PDK3: variants seen among roughly 807,000 people sequenced by gnomAD.
PDK3 encodes the protein pyruvate dehydrogenase kinase 3.
Under a neutral mutation model 32.0 loss-of-function variants are expected in PDK3, and 12 were observed. The observed-to-expected ratio is 0.37, with a 90% CI of 0.24 to 0.61. The LOEUF (loss-of-function observed/expected upper bound fraction) is 0.61, where lower values mean the gene tolerates loss of function less well. PDK3 is among the 20% of genes least tolerant of loss of function. The probability of loss-of-function intolerance (pLI) is 0.65; values close to 1 mark genes in which losing one functional copy is unlikely to be tolerated. For missense variants in PDK3, 188 were observed against 316.9 expected (o/e 0.59, Z 3.09); for synonymous variants, 122 against 116.3 (o/e 1.05, Z -0.31).
intron 6 of PDK3, among the ~76,000 whole-genome samples, chrX:24,520,163 A>C (rs1032792249): frequency 8.9e-6 from 1 of 112,043 alleles, no homozygotes; most frequent in African/African-American, 3.2e-5. Context: ...ACTGCACTCC[A>C]CCCTGGGCAA....
exon 12 of PDK3, among the ~76,000 whole-genome samples, chrX:24,541,028 GCCTCC>G (rs1922883572): frequency 9.9e-6 from 1 of 101,132 alleles, no homozygotes; most frequent in Non-Finnish European, 2.0e-5. Context: ...TTGTGCCTCA[GCCTCC>G]CGAATAGCTG....
intron 7 of PDK3, among the ~76,000 whole-genome samples, chrX:24,527,238 C>T (rs1357789100): frequency 1.9e-5 from 2 of 103,261 alleles, no homozygotes; most frequent in African/African-American, 3.6e-5. Context: ...AGCCTCATTA[C>T]ATGCGATAAA....
intron 1 of PDK3, among the ~76,000 whole-genome samples, chrX:24,492,975 G>A (rs774519001): frequency 4.6e-5 from 5 of 108,051 alleles, no homozygotes; most frequent in African/African-American, 1.4e-4. Context: ...ACTCCAGCCT[G>A]GGCGACAGAG....
At chrX:24,525,148 C>T (rs1922492975) in intron 6 of PDK3, among the ~76,000 whole-genome samples, 1 of 111,702 alleles carries the variant, frequency 9.0e-6, no homozygotes, top group Admixed American at 9.5e-5. Flanking sequence ...CAGAGTGAGA[C>T]TCTGTCTCAA....
intron 1 of PDK3, among the ~76,000 whole-genome samples, chrX:24,488,004 CAAAAAAAAAA>C (rs34710130): frequency 1.1e-4 from 3 of 27,478 alleles, no homozygotes; most frequent in Non-Finnish European, 2.0e-4. Context: ...AACTCCATCT[CAAAAAAAAAA>C]AAAAAAAAAA....
chrX:24,528,568 G>A (rs1024259031), intron 9 of PDK3, among the ~76,000 whole-genome samples: 2 of 112,797 alleles, frequency 1.8e-5, no homozygotes, highest in East Asian at 5.6e-4. Context: ...TTGGTCCTGC[G>A]CACTCTGGCG....
chrX:24,538,776 TAATA>T (rs754853735), downstream of PDK3, among the ~76,000 whole-genome samples: 1 of 111,166 alleles, frequency 9.0e-6, no homozygotes, highest in Non-Finnish European at 1.9e-5. Flanking sequence ...TCCATCTCAA[TAATA>T]AATAAATAAA....
chrX:24,468,641 T>A (rs1940084646), intron 1 of PDK3, among the ~76,000 whole-genome samples: 1 of 112,169 alleles, frequency 8.9e-6, no homozygotes. Flanking sequence ...AATCAGATGA[T>A]CTTCTGTCTG....
At chrX:24,489,246 GCTAA>G (rs931983436) in intron 1 of PDK3, among the ~76,000 whole-genome samples, 13 of 112,041 alleles carry the variant, frequency 1.2e-4, no homozygotes, top group Non-Finnish European at 2.4e-4. Flanking sequence ...TTATTTTTAG[GCTAA>G]CTAATTAACT....
In PDK3 at chrX:24,465,444, G is replaced by T. The variant is rs370150496; in HGVS notation, c.-12G>T. On this transcript the variant is annotated 5_prime_UTR_variant, in exon 1 of 11. Coordinates refer to ENST00000379162, the MANE Select transcript of PDK3 (RefSeq NM_005391.5). ...GGGCGTCTAGGCGGGTCTGTGCGCCGCCCGGGCGAGGATGCGGCTGTTCCG... is the reference window on the plus strand; with the variant it reads ...GGGCGTCTAGGCGGGTCTGTGCGCCTCCCGGGCGAGGATGCGGCTGTTCCG... 4.2e-6 allele frequency: 5 copies of T among 1,186,242 alleles called. No homozygotes were observed. The highest frequency in any genetic ancestry group is 2.2e-5 in the Admixed American group (1 of 45,166).
chrX:24,494,700 G>C, intron 1 of PDK3, 42 bp from the exon 2 acceptor site: 1 of 1,074,044 alleles, frequency 9.3e-7, no homozygotes, highest in Non-Finnish European at 1.3e-6. Context: ...TTCTCCATCT[G>C]TTAGACTATA....
intron 5 of PDK3, among the ~76,000 whole-genome samples, chrX:24,517,286 G>A (rs1009662057): frequency 9.0e-6 from 1 of 110,925 alleles, no homozygotes; most frequent in Non-Finnish European, 1.9e-5. Context: ...GCAGTGGCAC[G>A]ATCTCGGCTC....
chrX:24,539,811 T>G (rs1335325816), exon 12 of PDK3: 1 of 112,609 alleles, frequency 8.9e-6, no homozygotes, highest in Non-Finnish European at 1.9e-5. Flanking sequence ...GTCTGTTGAT[T>G]AAAGCATTCG....
chrX:24,527,642 C>T lies in PDK3; in HGVS notation c.819C>T (p.Leu273=), dbSNP rs770237013. 3.4e-6 allele frequency: 4 copies of T among 1,180,011 alleles called. No individual in the cohort carries two copies. The highest frequency in any genetic ancestry group is 1.7e-5 in the African/African-American group (1 of 57,168). Residue 273 remains leucine (L), a synonymous_variant, in exon 8 of 11, where the codon CTC becomes CTT. Transcript: ENST00000379162. ...RKEGYPAVKT[L]VTLGKEDLSI... Reference sequence around the variant, plus strand: ...AGGGCTACCCTGCTGTTAAAACCCTCGTTACTTTGGGTAAAGAAGACTTAT... The same window carrying T: ...AGGGCTACCCTGCTGTTAAAACCCTTGTTACTTTGGGTAAAGAAGACTTAT...
At chrX:24,482,358 A>G (rs1480412717) in intron 1 of PDK3, among the ~76,000 whole-genome samples, 1 of 111,357 alleles carries the variant, frequency 9.0e-6, no homozygotes, top group Non-Finnish European at 1.9e-5. Context: ...ACAGGCACCC[A>G]TCACCACGCC....
intron 5 of PDK3, among the ~76,000 whole-genome samples, chrX:24,510,361 C>G: frequency 8.9e-6 from 1 of 112,308 alleles, no homozygotes; most frequent in African/African-American, 3.2e-5. Flanking sequence ...GTTAATCATC[C>G]AACTCCTTTT....
intron 1 of PDK3, among the ~76,000 whole-genome samples, chrX:24,492,958 C>G (rs928909874): frequency 2.8e-5 from 3 of 108,119 alleles, no homozygotes; most frequent in African/African-American, 1.0e-4. Flanking sequence ...CGAGATCATG[C>G]CATTGCACTC....
intron 1 of PDK3, among the ~76,000 whole-genome samples, chrX:24,489,929 A>C (rs1921510375): frequency 9.1e-6 from 1 of 110,476 alleles, no homozygotes; most frequent in Non-Finnish European, 1.9e-5. Context: ...CTCTTAGACC[A>C]TGCCTAGTAG....
exon 12 of PDK3, chrX:24,546,412 CT>C (rs1211307482): frequency 3.6e-5 from 4 of 112,032 alleles, no homozygotes; most frequent in Non-Finnish European, 7.5e-5. Context: ...CTATTTAACA[CT>C]TCTAAACTTG....
Sources: gnomAD v4.1 joint callset for allele counts (sites outside exome capture counted in the v4.1 genomes callset) on GRCh38, gnomAD v4.1.1 for gene constraint, MANE v1.5 for transcripts, NCBI Gene and HGNC (gene_info 2026-07-23, HGNC 2026-07-21) for gene names.